The following LRRK1 variants were observed in gnomAD, a reference collection of about 807,000 sequenced individuals.
LRRK1 encodes leucine rich repeat kinase 1.
In LRRK1, 113 loss-of-function variants were observed where a neutral mutation model predicts 209.1. That is an observed-to-expected ratio of 0.54 (90% CI 0.46 to 0.63). LRRK1 has a LOEUF of 0.63. LRRK1 is among the 30% of genes least tolerant of loss of function. The pLI is 0.00. For synonymous variants in LRRK1, 1,144 were observed against 1,099.7 expected (o/e 1.04, Z -0.80); for missense variants, 2,284 against 2,632.2 (o/e 0.87, Z 2.89).
intron 6 of LRRK1, among the ~76,000 whole-genome samples, chr15:101,004,017 T>C (rs1305296398): frequency 6.6e-6 from 1 of 152,220 alleles, no homozygotes; most frequent in Non-Finnish European, 1.5e-5. Context: ...ATGTCAATGT[T>C]GGGCCTACTT....
intron 2 of LRRK1, among the ~76,000 whole-genome samples, chr15:100,966,712 T>G (rs1422678668): frequency 6.6e-6 from 1 of 152,230 alleles, no homozygotes; most frequent in Non-Finnish European, 1.5e-5. Context: ...AGAGTGGATA[T>G]GGTGTCACCC....
chr15:100,972,333 TATGAGAGA>T lies in LRRK1; in HGVS notation c.98-1470_98-1463del, dbSNP rs1182468892. Reference sequence around the variant, plus strand: ...GTAATTTGGGATATATATATATATATATGAGAGAGAGAGAGAGAGAGAGAGAGAGAGTG... The same window carrying T: ...GTAATTTGGGATATATATATATATATGAGAGAGAGAGAGAGAGAGAGAGTG... On this transcript the variant is annotated intron_variant, in intron 2 of 33. Coordinates refer to ENST00000388948, the MANE Select transcript of LRRK1 (RefSeq NM_024652.6). Among the ~76,000 whole-genome samples the T allele has an allele frequency of 5.4e-3, 658 of 121,480 alleles. 8 individuals are homozygous for T. The highest frequency in any genetic ancestry group is 0.015 in the East Asian group (68 of 4,490). The allele number at this position is 121,480 out of a possible 152,430, so 79.7% of individuals were successfully genotyped here.
intron 2 of LRRK1, among the ~76,000 whole-genome samples, chr15:100,961,164 G>A (rs1371413368): frequency 2.6e-5 from 4 of 152,130 alleles, no homozygotes; most frequent in Admixed American, 6.5e-5. Context: ...AGGTGGTGCC[G>A]GGCATCACAT....
Position 101,056,857 on chromosome 15 carries a change from T to C in LRRK1, c.4334T>C (p.Val1445Ala). 3 of 1,595,854 alleles carry C rather than the reference T, an allele frequency of 1.9e-6. No homozygotes were observed. Among genetic ancestry groups the C allele is most frequent in the Non-Finnish European group, 1.7e-6 (2 of 1,170,130 alleles). Reference sequence around the variant, plus strand: ...TGACTTGGCTTGTTCTGTGCCCAGGTAGATATGTTCTCCTATGGAATGGTG... The same window carrying C: ...TGACTTGGCTTGTTCTGTGCCCAGGCAGATATGTTCTCCTATGGAATGGTG... ...IRPRIVYDEK[V>A]DMFSYGMVLY... Residue 1445 changes from valine to alanine, a missense_variant and splice_region_variant, in exon 28 of 34, where the codon GTA becomes GCA. Around this residue, in one of 6 missense-constraint regions of LRRK1, gnomAD observed 59 missense variants for 103.8 expected, o/e 0.57. Coordinates refer to ENST00000388948, the MANE Select transcript of LRRK1 (RefSeq NM_024652.6).
intron 20 of LRRK1, among the ~76,000 whole-genome samples, 183 bp from the exon 21 acceptor site, chr15:101,045,798 C>G (rs186405993): frequency 6.6e-6 from 1 of 152,186 alleles, no homozygotes. Context: ...AGTATTTATT[C>G]TTAGCATATA....
intron 2 of LRRK1, among the ~76,000 whole-genome samples, chr15:100,972,927 C>CAT (rs2031016211): frequency 7.4e-6 from 1 of 134,622 alleles, no homozygotes; most frequent in Admixed American, 7.5e-5. Flanking sequence ...TACACACACA[C>CAT]ACACACACAC....
Position 101,052,834 on chromosome 15 carries a change from C to G in LRRK1, c.3690-88C>G, listed in dbSNP as rs1210749728. ...CCTCACAGATGGCTTTGAACCATGA[C>G]TCTCGGCCGTTGGGGCAAATGACCC... On this transcript the variant is annotated intron_variant, in intron 24 of 33. Transcript: ENST00000388948. 2.1e-6 allele frequency: 3 copies of G among 1,454,800 alleles called. No individual in the cohort carries two copies. In the Admixed American group the frequency reaches 6.9e-5, roughly 33 times the overall value. 90.1% of individuals were successfully genotyped at this position (1,454,800 alleles called of 1,614,324 possible).
intron 22 of LRRK1, 97 bp downstream of exon 22, chr15:101,048,754 G>A (rs1174235995): frequency 3.6e-5 from 40 of 1,101,674 alleles, no homozygotes; most frequent in Non-Finnish European, 4.9e-5. Context: ...TTGGTGTCCA[G>A]AATTTTGCTC....
At chr15:101,020,930 G>T in intron 12 of LRRK1, 123 bp from the exon 13 acceptor site, 1 of 1,026,970 alleles carries the variant, frequency 9.7e-7, no homozygotes, top group South Asian at 1.4e-5. Flanking sequence ...TGAGCATTTT[G>T]TTCTGATAGG....
At position 101,051,065 on chromosome 15, in the gene LRRK1, G is replaced by T. The variant is rs560652782; in HGVS notation, c.3440-646G>T. The stretch of plus-strand genomic sequence containing the variant: ...CCCCAGCCAGGGGCCCCTCCCAACG[G>T]GATGCCTTACACATGGACCTGCAGA... On this transcript the variant is annotated intron_variant, in intron 23 of 33. Transcript: ENST00000388948. 2.6e-5 allele frequency among the ~76,000 whole-genome samples: 4 copies of T among 152,284 alleles called. No homozygotes were observed. In the East Asian group the frequency reaches 7.7e-4, roughly 29 times the overall value.
At chr15:101,056,425 A>G (rs2035798052) in intron 27 of LRRK1, among the ~76,000 whole-genome samples, 1 of 150,238 alleles carries the variant, frequency 6.7e-6, no homozygotes, top group African/African-American at 2.4e-5. Context: ...GGAAGGATGG[A>G]TCGATGGATA....
At chr15:100,972,917 T>TACACAC (rs10629976) in intron 2 of LRRK1, among the ~76,000 whole-genome samples, 17,988 of 123,738 alleles carry the variant, frequency 0.15, 1,142 homozygotes, top group Non-Finnish European at 0.16. Flanking sequence ...CGAAAAACTG[T>TACACAC]ACACACACAC....
In LRRK1 at chr15:100,973,862, C is replaced by T. The variant is rs2031120735; in HGVS notation, c.156C>T (p.Ser52=). ...STRGGDPAAR[S]RRTEGIRAAY... is the part of the protein sequence containing the mutation. ...GGGGCGGTGACCCTGCAGCGCGGTC[C>T]CGCAGGACGGAAGGCATCCGCGCCG... Residue 52 remains serine (S), a synonymous_variant, in exon 3 of 34, where the codon TCC becomes TCT. Coordinates refer to ENST00000388948, the MANE Select transcript of LRRK1 (RefSeq NM_024652.6). 7.7e-6 allele frequency: 10 copies of T among 1,290,490 alleles called. No individual in the cohort carries two copies. Among genetic ancestry groups the T allele is most frequent in the African/African-American group, 6.2e-5 (4 of 64,856 alleles). The allele number at this position is 1,290,490 out of a possible 1,614,324, so 79.9% of individuals were successfully genotyped here.
chr15:100,999,531 G>A (rs920008221), intron 6 of LRRK1, among the ~76,000 whole-genome samples: 6 of 152,180 alleles, frequency 3.9e-5, no homozygotes, highest in Non-Finnish European at 5.9e-5. Context: ...TTGTATCCAT[G>A]TGCGTACATG....
chr15:100,973,896 C>A lies in LRRK1; in HGVS notation c.190C>A (p.Arg64=). 1 of 1,270,560 alleles carries A rather than the reference C, an allele frequency of 7.9e-7. No homozygotes were observed. Among genetic ancestry groups the A allele is most frequent in the Non-Finnish European group, 1.0e-6 (1 of 1,002,798 alleles). The allele number at this position is 1,270,560 out of a possible 1,614,324, so 78.7% of individuals were successfully genotyped here. Reference sequence around the variant, plus strand: ...GGAAGGCATCCGCGCCGCGTACAGGCGGGGAGACCGCGGCGGCGCCCGGGA... The same window carrying A: ...GGAAGGCATCCGCGCCGCGTACAGGAGGGGAGACCGCGGCGGCGCCCGGGA... ...RTEGIRAAYR[R]GDRGGARDLL... Residue 64 remains arginine, a synonymous_variant, in exon 3 of 34, where the codon CGG becomes AGG. Coordinates refer to ENST00000388948, the MANE Select transcript of LRRK1 (RefSeq NM_024652.6).
intron 6 of LRRK1, among the ~76,000 whole-genome samples, chr15:100,996,342 G>A (rs2141677396): frequency 6.6e-6 from 1 of 152,354 alleles, no homozygotes. Context: ...GCCCAGCAAG[G>A]CCCCCATGGT....
chr15:100,935,456 C>T (rs1012995798), intron 2 of LRRK1, among the ~76,000 whole-genome samples: 2 of 152,148 alleles, frequency 1.3e-5, no homozygotes, highest in Non-Finnish European at 2.9e-5. Context: ...GCAGTTGGGG[C>T]AGAGTGAGAG....
At chr15:101,044,257 C>G (rs1486623421) in intron 20 of LRRK1, 1 of 152,234 alleles carries the variant, frequency 6.6e-6, no homozygotes, top group Non-Finnish European at 1.5e-5. Flanking sequence ...CAGTTTTAAG[C>G]CTTTGTGCTT....
In LRRK1 at chr15:101,033,602, C is replaced by T. The variant is rs989706517; in HGVS notation, c.2963+4370C>T. Among the ~76,000 whole-genome samples the T allele has an allele frequency of 4.6e-5, 7 of 152,164 alleles. No homozygotes were observed. The East Asian group carries it at 1.3e-3, about 29-fold the overall frequency. Reference sequence around the variant, plus strand: ...CATGTTGCTGCAAATGACATGATTTCATTCTCTTTTACAGCCAAGTAGTAT... The same window carrying T: ...CATGTTGCTGCAAATGACATGATTTTATTCTCTTTTACAGCCAAGTAGTAT... On this transcript the variant is annotated intron_variant, in intron 20 of 33. Coordinates refer to ENST00000388948, the MANE Select transcript of LRRK1 (RefSeq NM_024652.6).
Sources: allele counts gnomAD v4.1 joint callset (sites outside exome capture counted in the v4.1 genomes callset), GRCh38; gene constraint gnomAD v4.1.1; regional missense constraint gnomAD v4.1.1; transcripts MANE v1.5; gene names NCBI Gene and HGNC (gene_info 2026-07-23, HGNC 2026-07-21).